The following ADGRL2 variants were observed in gnomAD, a reference collection of about 807,000 sequenced individuals.
The protein encoded by ADGRL2 is calcium-independent alpha-latrotoxin receptor 2.
ADGRL2 carries 44 observed loss-of-function variants against 157.4 expected under a neutral mutation model. The observed-to-expected ratio is 0.28, with a 90% CI of 0.22 to 0.36. The LOEUF is 0.36. ADGRL2 is among the 10% of genes least tolerant of loss of function. The pLI is 1.00. For synonymous variants in ADGRL2, 585 were observed against 624.7 expected, an observed-to-expected ratio of 0.94 and a Z score of 0.95; for missense variants, 1,510 against 1,768.9, an observed-to-expected ratio of 0.85 and a Z score of 2.63.
intron 1 of ADGRL2, among the ~76,000 whole-genome samples, chr1:81,832,447 C>A (rs1392258404): frequency 6.6e-6 from 1 of 152,118 alleles, no homozygotes; most frequent in Non-Finnish European, 1.5e-5. Flanking sequence ...CCGGCCTGAA[C>A]TTTCTAATAG....
At chr1:81,534,506 T>G (rs1334219414) in intron 2 of ADGRL2, among the ~76,000 whole-genome samples, 1 of 152,194 alleles carries the variant, frequency 6.6e-6, no homozygotes, top group Non-Finnish European at 1.5e-5. Flanking sequence ...ATCTACAGCA[T>G]CCTCTACCAG....
chr1:81,901,622 T>C (rs2094489267), intron 2 of ADGRL2, among the ~76,000 whole-genome samples: 1 of 151,904 alleles, frequency 6.6e-6, no homozygotes, highest in Admixed American at 6.6e-5. Context: ...GTCAGTATTC[T>C]AGATCATTAA....
At chr1:81,796,607 C>T (rs904613689), upstream of ADGRL2, among the ~76,000 whole-genome samples, 6 of 151,968 alleles carry the variant, frequency 3.9e-5, no homozygotes, top group African/African-American at 1.2e-4. Flanking sequence ...ATAATGGTAA[C>T]GACATAAAAA....
chr1:81,550,054 GA>G (rs1345772232), intron 2 of ADGRL2, among the ~76,000 whole-genome samples: 3 of 152,190 alleles, frequency 2.0e-5, no homozygotes, highest in African/African-American at 7.2e-5. Context: ...AATCCAAGGA[GA>G]AAATGTTTGA....
intron 1 of ADGRL2, among the ~76,000 whole-genome samples, chr1:81,802,572 T>G (rs1025162006): frequency 2.6e-5 from 4 of 152,148 alleles, no homozygotes; most frequent in Non-Finnish European, 5.9e-5. Context: ...CCATGCATTT[T>G]TTAATTTCAT....
rs1664895746 is a variant in ADGRL2, at chr1:81,993,089, T to TATA, written c.*1944_*1945insATA. On this transcript the variant is annotated 3_prime_UTR_variant, in exon 24 of 24. Transcript: ENST00000686636. ...TATATATATATATATATATATATAT[T>TATA]TTTTTTTTTTTTTTTTTTTTTTTTT... is the stretch of plus-strand genomic sequence containing the variant. 9.8e-4 allele frequency among the ~76,000 whole-genome samples: 21 copies of TATA among 21,362 alleles called. No homozygotes were observed. The highest frequency in any genetic ancestry group is 2.3e-3 in the African/African-American group (9 of 3,886). The allele number at this position is 21,362 out of a possible 152,430, so 14.0% of individuals were successfully genotyped here.
chr1:81,517,926 A>G (rs2079218017), intron 2 of ADGRL2, among the ~76,000 whole-genome samples: 1 of 152,236 alleles, frequency 6.6e-6, no homozygotes, highest in Non-Finnish European at 1.5e-5. Flanking sequence ...TTTCAGCATC[A>G]GTGAATTAAG....
At chr1:81,500,945 G>C (rs944570752) in intron 2 of ADGRL2, among the ~76,000 whole-genome samples, 12 of 152,168 alleles carry the variant, frequency 7.9e-5, no homozygotes, top group African/African-American at 2.9e-4. Context: ...TCAAAAGAGA[G>C]CTAATATAAA....
chr1:81,785,203 ATAAT>A (rs2086986661), intron 2 of ADGRL2, among the ~76,000 whole-genome samples: 1 of 152,134 alleles, frequency 6.6e-6, no homozygotes, highest in South Asian at 2.1e-4. Context: ...AGTTGCATAG[ATAAT>A]TATTTAATAA....
chr1:81,634,826 T>C (rs2082085335), intron 3 of ADGRL2, among the ~76,000 whole-genome samples: 1 of 152,102 alleles, frequency 6.6e-6, no homozygotes, highest in South Asian at 2.1e-4. Flanking sequence ...CTGGCCTATG[T>C]TAGCTTTCAG....
intron 1 of ADGRL2, among the ~76,000 whole-genome samples, chr1:81,809,233 T>C (rs2089548736): frequency 6.6e-6 from 1 of 151,982 alleles, no homozygotes; most frequent in South Asian, 2.1e-4. Context: ...AAAAGAAGCC[T>C]ATTTAAGGCT....
intron 1 of ADGRL2, among the ~76,000 whole-genome samples, chr1:81,339,507 G>A (rs911475935): frequency 1.3e-5 from 2 of 150,428 alleles, no homozygotes; most frequent in South Asian, 2.1e-4. Context: ...ACAGTGCCTA[G>A]CAAATAAATA....
At chr1:81,800,180 T>A (rs1184102264), upstream of ADGRL2, among the ~76,000 whole-genome samples, 1 of 152,190 alleles carries the variant, frequency 6.6e-6, no homozygotes, top group Non-Finnish European at 1.5e-5. Flanking sequence ...TTCCTTTGCT[T>A]ATCCTGGTGA....
chr1:81,655,921 T>G (rs1344709580), intron 3 of ADGRL2, among the ~76,000 whole-genome samples: 1 of 152,144 alleles, frequency 6.6e-6, no homozygotes, highest in Non-Finnish European at 1.5e-5. Context: ...CTAATGACTG[T>G]TTTCAGAGCC....
intron 2 of ADGRL2, among the ~76,000 whole-genome samples, chr1:81,763,057 A>AAG (rs1301890778): frequency 6.6e-6 from 1 of 151,262 alleles, no homozygotes; most frequent in East Asian, 1.9e-4. Context: ...AAAAAAAAAA[A>AAG]AAAAAAAAAA....
intron 18 of ADGRL2, chr1:81,980,738 CT>C: frequency 1.6e-6 from 1 of 628,574 alleles, no homozygotes; most frequent in South Asian, 2.1e-5. Context: ...GAGAGCTAAT[CT>C]TTAGCATCTC....
rs187920144 is a variant in ADGRL2, at chr1:81,364,453, C to T, written c.-302+57944C>T. ...ATAGAACAATTCAATTGGGTAGGTACGGAAGGTTAACTCTGTTGTCTGAAC... is the reference window on the plus strand; with the variant it reads ...ATAGAACAATTCAATTGGGTAGGTATGGAAGGTTAACTCTGTTGTCTGAAC... On this transcript the variant is annotated intron_variant, in intron 1 of 24. Coordinates refer to the ADGRL2 transcript ENST00000370721. 4.6e-5 allele frequency among the ~76,000 whole-genome samples: 7 copies of T among 152,156 alleles called. No individual in the cohort carries two copies. The East Asian group carries it at 5.8e-4, about 13-fold the overall frequency.
intron 1 of ADGRL2, among the ~76,000 whole-genome samples, chr1:81,317,567 T>C (rs1253039792): frequency 6.6e-6 from 1 of 152,206 alleles, no homozygotes; most frequent in Non-Finnish European, 1.5e-5. Flanking sequence ...ACATAGTAAC[T>C]CCTCTGTTAA....
At chr1:81,464,795 T>C (rs1188447797) in intron 2 of ADGRL2, among the ~76,000 whole-genome samples, 1 of 152,092 alleles carries the variant, frequency 6.6e-6, no homozygotes, top group Non-Finnish European at 1.5e-5. Context: ...TACCTTTACA[T>C]GAGGGGTGGC....
Sources: gnomAD v4.1 joint callset for allele counts (sites outside exome capture counted in the v4.1 genomes callset) on GRCh38, gnomAD v4.1.1 for gene constraint, MANE v1.5 for transcripts, NCBI Gene and HGNC (gene_info 2026-07-23, HGNC 2026-07-21) for gene names.